The following DNAH8 variants were observed in gnomAD, a reference collection of about 807,000 sequenced individuals.
DNAH8 encodes the protein dynein axonemal heavy chain 8, also known as axonemal beta dynein heavy chain 8.
Under a neutral mutation model 562.1 loss-of-function variants are expected in DNAH8, and 382 were observed. The ratio of observed to expected loss-of-function variants is 0.68; its 90% confidence interval spans 0.63 to 0.74. DNAH8 has a LOEUF of 0.74. DNAH8 is among the 30% of genes least tolerant of loss of function. The pLI, the probability that DNAH8 is intolerant of heterozygous loss-of-function variation, is 0.00. For missense variants in DNAH8, 5,203 were observed against 5,620.4 expected, an observed-to-expected ratio of 0.93 and a Z score of 2.37; for synonymous variants, 1,881 against 1,919.4, an observed-to-expected ratio of 0.98 and a Z score of 0.52.
rs113663433 is a variant in DNAH8 at position 38,927,815 on chromosome 6, C to T, written c.11118+1605C>T. On this transcript the variant is annotated intron_variant, in intron 74 of 92. Coordinates refer to ENST00000327475, the MANE Select transcript of DNAH8 (RefSeq NM_001206927.2). ...CTGATAGTCTTCACTGAAGTCCTTT[C>T]TGATGCAACCCAGTCCCAGGAACCT... Among the ~76,000 whole-genome samples the T allele has an allele frequency of 1.4e-3, 213 of 152,294 alleles. 2 individuals are homozygous for T. The highest frequency in any genetic ancestry group is 4.8e-3 in the African/African-American group (201 of 41,570).
chr6:38,993,157 T>C (rs1244261824), intron 88 of DNAH8, among the ~76,000 whole-genome samples: 4 of 152,192 alleles, frequency 2.6e-5, no homozygotes, highest in Non-Finnish European at 1.5e-5. Context: ...CATTCCATAT[T>C]GATATCTCCT....
intron 28 of DNAH8, among the ~76,000 whole-genome samples, chr6:38,824,940 T>A (rs760038938): frequency 7.2e-5 from 11 of 152,140 alleles, no homozygotes; most frequent in Non-Finnish European, 1.6e-4. Context: ...TACAAGAACT[T>A]CTGTAGCGTT....
At chr6:38,879,559 T>C (rs977542402) in intron 53 of DNAH8, among the ~76,000 whole-genome samples, 7 of 152,254 alleles carry the variant, frequency 4.6e-5, no homozygotes, top group Non-Finnish European at 8.8e-5. Context: ...ATAGGAACTT[T>C]ATCATCTGAC....
chr6:38,828,104 A>C (rs765052739), intron 29 of DNAH8, 80 bp from the exon 30 acceptor site: 11 of 853,464 alleles, frequency 1.3e-5, no homozygotes, highest in Admixed American at 2.5e-5. Context: ...AGACATAGGA[A>C]TGTGTTTCTA....
At chr6:38,801,263 C>G (rs1177446326) in intron 21 of DNAH8, among the ~76,000 whole-genome samples, 1 of 152,136 alleles carries the variant, frequency 6.6e-6, no homozygotes, top group Non-Finnish European at 1.5e-5. Context: ...CATTCTCTTG[C>G]AAGTGGATAT....
At chr6:38,869,510 G>T (rs1777301664) in intron 48 of DNAH8, among the ~76,000 whole-genome samples, 1 of 152,142 alleles carries the variant, frequency 6.6e-6, no homozygotes, top group East Asian at 1.9e-4. Context: ...AGAATAAAGA[G>T]AAATCATAAG....
At chr6:38,771,051 A>AT (rs1767522186) in intron 12 of DNAH8, among the ~76,000 whole-genome samples, 1 of 152,174 alleles carries the variant, frequency 6.6e-6, no homozygotes, top group South Asian at 2.1e-4. Context: ...AAGGAGTGAC[A>AT]TTTTTTTGGG....
At chr6:38,801,754 C>T (rs1399897003) in intron 21 of DNAH8, among the ~76,000 whole-genome samples, 1 of 152,168 alleles carries the variant, frequency 6.6e-6, no homozygotes, top group Admixed American at 6.5e-5. Flanking sequence ...GACACCATGT[C>T]TCCTGGGACT....
intron 59 of DNAH8, 146 bp from the exon 60 acceptor site, chr6:38,895,887 C>T: frequency 1.6e-6 from 1 of 636,724 alleles, no homozygotes; most frequent in South Asian, 2.1e-5. Context: ...TGGGGTTATG[C>T]CCTTCTTATC....
chr6:38,836,190 G>C (rs1427518539), intron 32 of DNAH8, among the ~76,000 whole-genome samples: 1 of 152,142 alleles, frequency 6.6e-6, no homozygotes, highest in African/African-American at 2.4e-5. Flanking sequence ...GGATGACCTT[G>C]TTTTCAAGTT....
At chr6:38,780,393 T>G (rs559123706) in intron 15 of DNAH8, among the ~76,000 whole-genome samples, 1 of 152,330 alleles carries the variant, frequency 6.6e-6, no homozygotes, top group Admixed American at 6.5e-5. Flanking sequence ...TGCACGCATA[T>G]GTTCATTGCA....
intron 88 of DNAH8, among the ~76,000 whole-genome samples, chr6:39,001,356 C>A (rs1389974540): frequency 6.6e-6 from 1 of 152,000 alleles, no homozygotes; most frequent in East Asian, 1.9e-4. Context: ...AGCATGTCAT[C>A]ATGTACAGAA....
intron 16 of DNAH8, among the ~76,000 whole-genome samples, 179 bp from the exon 17 acceptor site, chr6:38,782,825 C>A (rs145746708): frequency 6.6e-6 from 1 of 152,156 alleles, no homozygotes; most frequent in Admixed American, 6.5e-5. Context: ...ATACTGATAA[C>A]GTTTCCCTAC....
chr6:38,851,498 A>G (rs1775739352), intron 38 of DNAH8, 74 bp from the exon 39 acceptor site: 1 of 831,066 alleles, frequency 1.2e-6, no homozygotes, highest in Non-Finnish European at 1.9e-6. Flanking sequence ...GTTAGTGATT[A>G]TGTCTTGACT....
intron 8 of DNAH8, among the ~76,000 whole-genome samples, chr6:38,748,141 A>G (rs1765115661): frequency 1.3e-5 from 2 of 152,226 alleles, no homozygotes; most frequent in Non-Finnish European, 2.9e-5. Context: ...GAATTTCTCT[A>G]AGGCATATTC....
At chr6:38,768,467 A>G (rs1447118980) in intron 11 of DNAH8, among the ~76,000 whole-genome samples, 2 of 151,756 alleles carry the variant, frequency 1.3e-5, no homozygotes, top group African/African-American at 2.4e-5. Flanking sequence ...AGGTTTTGCT[A>G]TGTTGCCCAG....
In DNAH8 at chr6:38,802,336, T is replaced by C. The variant is rs115558293; in HGVS notation, c.2902-843T>C. Among the ~76,000 whole-genome samples the C allele has an allele frequency of 6.6e-3, 999 of 152,246 alleles. 12 individuals carry two copies. Among genetic ancestry groups the C allele is most frequent in the Non-Finnish European group, 1.0e-2 (679 of 68,010 alleles). ...CATGGCTCCTGCAGCCTTGAACTCC[T>C]GGGCATGAGCAATCCTCTTGCTTCA... On this transcript the variant is annotated intron_variant, in intron 21 of 92. Coordinates refer to ENST00000327475, the MANE Select transcript of DNAH8 (RefSeq NM_001206927.2).
intron 88 of DNAH8, among the ~76,000 whole-genome samples, chr6:39,000,815 G>A (rs1753886018): frequency 6.6e-6 from 1 of 152,194 alleles, no homozygotes; most frequent in South Asian, 2.1e-4. Context: ...ATGGAAAAAT[G>A]TCTTCCACAA....
Position 39,021,361 on chromosome 6 carries a change from G to A in DNAH8, c.13715-5185G>A, listed in dbSNP as rs112219720. ...ATCCCCCTCCTCAGGTGATTCCCAT[G>A]AACATTAAAGTCTGAGAATCCCTGC... On this transcript the variant is annotated intron_variant, in intron 91 of 92. Transcript: ENST00000327475. Among the ~76,000 whole-genome samples the A allele has an allele frequency of 9.4e-3, 1,430 of 152,256 alleles. 30 individuals are homozygous for A. Among genetic ancestry groups the A allele is most frequent in the African/African-American group, 0.032 (1,310 of 41,542 alleles).
Sources: allele counts gnomAD v4.1 joint callset (sites outside exome capture counted in the v4.1 genomes callset), GRCh38; gene constraint gnomAD v4.1.1; transcripts MANE v1.5; gene names NCBI Gene and HGNC (gene_info 2026-07-23, HGNC 2026-07-21).